The following SLC30A10 variants were observed in gnomAD, a reference collection of about 807,000 sequenced individuals.
SLC30A10 encodes solute carrier family 30 member 10.
Under a neutral mutation model 21.7 loss-of-function variants are expected in SLC30A10, and 8 were observed. That is an observed-to-expected ratio of 0.37 (90% CI 0.22 to 0.67). The LOEUF is 0.67. Among genes scored for constraint, SLC30A10 ranks in the 30% least tolerant of loss-of-function variants. SLC30A10 has a pLI of 0.58. For missense variants in SLC30A10, 521 were observed against 642.5 expected, an observed-to-expected ratio of 0.81 and a Z score of 2.04; for synonymous variants, 272 against 279.4, an observed-to-expected ratio of 0.97 and a Z score of 0.26.
rs113431755 is a variant in SLC30A10 at position 219,913,078 on chromosome 1, G to A, written c.*2371C>T. ...ATTTCCTTGGGAGAATTAAAAGGCA[G>A]GACAATTAAAGAGAGAGTGAAACCC... On this transcript the variant is annotated 3_prime_UTR_variant, in exon 4 of 4. Coordinates refer to ENST00000366926, the MANE Select transcript of SLC30A10 (RefSeq NM_018713.3). Among the ~76,000 whole-genome samples, 1,051 of 152,340 alleles carry A rather than the reference G, an allele frequency of 6.9e-3. 4 individuals carry two copies. Among genetic ancestry groups the A allele is most frequent in the Middle Eastern group, 0.061 (18 of 294 alleles).
intron 1 of SLC30A10, among the ~76,000 whole-genome samples, chr1:219,957,374 A>G (rs11118468): frequency 0.46 from 70,484 of 151,992 alleles, 16,433 homozygotes; most frequent in South Asian, 0.52. Context: ...AAAAAATGCA[A>G]CTTAGCCTCT....
chr1:219,911,149 GTT>G lies in SLC30A10; in HGVS notation c.*4298_*4299del. Among the ~76,000 whole-genome samples, 2,633 of 49,458 alleles carry G rather than the reference GTT, an allele frequency of 0.053. 123 individuals carry two copies. The highest frequency in any genetic ancestry group is 0.092 in the Admixed American group (390 of 4,258). 32.4% of individuals were successfully genotyped at this position (49,458 alleles called of 152,430 possible). ...ATGTTTCTTCATTTTTTCTACATCAGTTTTTTTTTTTTTTTTTTTTTTTTTGC... is the reference window on the plus strand; with the variant it reads ...ATGTTTCTTCATTTTTTCTACATCAGTTTTTTTTTTTTTTTTTTTTTTTGC... On this transcript the variant is annotated 3_prime_UTR_variant, in exon 4 of 4. Transcript: ENST00000366926.
At chr1:219,932,354 C>T (rs1402228545), upstream of SLC30A10, among the ~76,000 whole-genome samples, 1 of 152,176 alleles carries the variant, frequency 6.6e-6, no homozygotes, top group Non-Finnish European at 1.5e-5. Context: ...ACTTGATATG[C>T]TACAATTCAC....
Position 219,946,531 on chromosome 1 carries a change from A to G in SLC30A10, n.80+12037T>C, listed in dbSNP as rs147430867. On this transcript the variant is annotated intron_variant and non_coding_transcript_variant, in intron 1 of 8. Transcript: ENST00000484239. ...CTTGTGTTTCCATGAGACGACCACC[A>G]GTGTAGCCTCCATTCCCTCCCCAGT... 5.0e-3 allele frequency among the ~76,000 whole-genome samples: 763 copies of G among 152,232 alleles called. 6 individuals are homozygous for G. Among genetic ancestry groups the G allele is most frequent in the African/African-American group, 0.016 (677 of 41,550 alleles).
intron 1 of SLC30A10, among the ~76,000 whole-genome samples, chr1:219,944,098 C>CA (rs768499897): frequency 0.011 from 1,088 of 100,194 alleles, 5 homozygotes; most frequent in Middle Eastern, 0.083. Context: ...AGACTCATCT[C>CA]AAAAAAAAAA....
intron 2 of SLC30A10, among the ~76,000 whole-genome samples, chr1:219,920,869 TG>T (rs1280671814): frequency 1.3e-5 from 2 of 152,236 alleles, no homozygotes; most frequent in African/African-American, 4.8e-5. Context: ...TTACCTGCAT[TG>T]CTCTGTAAAA....
Position 219,915,656 on chromosome 1 carries a change from G to C in SLC30A10, c.1251C>G (p.Pro417=), listed in dbSNP as rs754692918. ...TGACGTGAGCCAGAGGCAGTGCCCC[G>C]GGGGGACAACACAGCTGCTTAGCAC... ...KGCAKQLCCP[P]GALPLAHVNG... is the part of the protein sequence containing the mutation. The change falls in exon 4 of 4, where the codon CCC becomes CCG. Residue 417 remains proline, a synonymous_variant. Transcript: ENST00000366926. 6 of 1,614,210 alleles carry C rather than the reference G, an allele frequency of 3.7e-6. No homozygotes were observed. The Admixed American group carries it at 6.7e-5, about 18-fold the overall frequency.
chr1:219,947,773 T>C (rs1449449412), intron 1 of SLC30A10, among the ~76,000 whole-genome samples: 1 of 152,038 alleles, frequency 6.6e-6, no homozygotes, highest in Admixed American at 6.6e-5. Flanking sequence ...GAGGTTGCAG[T>C]GAGCCAAGAT....
intron 3 of SLC30A10, among the ~76,000 whole-genome samples, 185 bp from the exon 4 acceptor site, chr1:219,916,133 T>TTA (rs1487397274): frequency 6.6e-6 from 1 of 152,198 alleles, no homozygotes; most frequent in Non-Finnish European, 1.5e-5. Context: ...CTCCACACAT[T>TTA]GTTAGTCCAC....
At chr1:219,934,628 G>A (rs1660023109) in intron 1 of SLC30A10, among the ~76,000 whole-genome samples, 1 of 152,104 alleles carries the variant, frequency 6.6e-6, no homozygotes, top group East Asian at 1.9e-4. Flanking sequence ...ATTTCAGAAT[G>A]CATTAAATTT....
At chr1:219,949,672 G>A (rs949681500) in intron 1 of SLC30A10, among the ~76,000 whole-genome samples, 4 of 151,670 alleles carry the variant, frequency 2.6e-5, no homozygotes, top group Non-Finnish European at 5.9e-5. Context: ...AATGGGTGCA[G>A]CACACCAGCA....
chr1:219,948,299 G>A (rs371348329), intron 1 of SLC30A10, among the ~76,000 whole-genome samples: 13 of 151,312 alleles, frequency 8.6e-5, no homozygotes, highest in African/African-American at 1.5e-4. Context: ...AGCCCGCATC[G>A]CCAAGTCAAT....
intron 1 of SLC30A10, among the ~76,000 whole-genome samples, chr1:219,945,568 G>A (rs1270168525): frequency 6.6e-6 from 1 of 152,050 alleles, no homozygotes; most frequent in East Asian, 1.9e-4. Context: ...AGCAAAATGT[G>A]AAAAAAGAAG....
In SLC30A10 at chr1:219,910,452, T is replaced by A. The variant is rs968874180; in HGVS notation, c.*4997A>T. ...ATATCTCAGTCATGTTTCTATTTTT[T>A]AAAAAAATTTTATTTACAGCACCAT... On this transcript the variant is annotated 3_prime_UTR_variant, in exon 4 of 4. Coordinates refer to ENST00000366926, the MANE Select transcript of SLC30A10 (RefSeq NM_018713.3). 4.6e-5 allele frequency among the ~76,000 whole-genome samples: 7 copies of A among 152,316 alleles called. 1 individual carries two copies. Among genetic ancestry groups the A allele is most frequent in the Admixed American group, 2.0e-4 (3 of 15,304 alleles).
At chr1:219,933,415 C>T (rs142526293), upstream of SLC30A10, among the ~76,000 whole-genome samples, 15 of 152,272 alleles carry the variant, frequency 9.9e-5, no homozygotes, top group South Asian at 4.1e-4. Context: ...GGCAGAGTAG[C>T]GCTGCAGTTA....
chr1:219,919,359 A>G lies in SLC30A10; in HGVS notation c.719-865T>C, dbSNP rs1659621515. 2.6e-5 allele frequency among the ~76,000 whole-genome samples: 4 copies of G among 152,328 alleles called. No homozygotes were observed. The South Asian group carries it at 6.2e-4, about 24-fold the overall frequency. On this transcript the variant is annotated intron_variant, in intron 2 of 3. Coordinates refer to ENST00000366926, the MANE Select transcript of SLC30A10 (RefSeq NM_018713.3). ...GTTTTTTACAAAAAGCAACATCTGA[A>G]TCTTGCAATTCAAAGTATAGTTTGC... is the stretch of plus-strand genomic sequence containing the variant.
rs1359210666 is a variant in SLC30A10 at position 219,915,388 on chromosome 1, T to G, written c.*61A>C. Reference sequence around the variant, plus strand: ...CCTACAACCCAGAAAGCTCTTTTTGTGAGCCAAGCTTGTGGTTCCAAAGTG... The same window carrying G: ...CCTACAACCCAGAAAGCTCTTTTTGGGAGCCAAGCTTGTGGTTCCAAAGTG... On this transcript the variant is annotated 3_prime_UTR_variant, in exon 4 of 4. Transcript: ENST00000366926. 1.1e-5 allele frequency: 17 copies of G among 1,557,364 alleles called. No homozygotes were observed. Among genetic ancestry groups the G allele is most frequent in the Non-Finnish European group, 1.4e-5 (16 of 1,151,498 alleles).
rs879641670 is a variant in SLC30A10, at chr1:219,951,720, C to CAA, written n.80+6846_80+6847dup. On this transcript the variant is annotated intron_variant and non_coding_transcript_variant, in intron 1 of 8. Coordinates refer to the SLC30A10 transcript ENST00000484239. ...TGGACGACAGAGTGAGACTCCATCT[C>CAA]AAAAAAAAAAAGAAAAGAAAAGAAA... Among the ~76,000 whole-genome samples, 3 of 134,894 alleles carry CAA rather than the reference C, an allele frequency of 2.2e-5. No homozygotes were observed. In the East Asian group the frequency reaches 6.4e-4, roughly 29 times the overall value. The allele number at this position is 134,894 out of a possible 152,430, so 88.5% of individuals were successfully genotyped here.
At chr1:219,920,228 C>T (rs531220529) in intron 2 of SLC30A10, among the ~76,000 whole-genome samples, 98 of 152,256 alleles carry the variant, frequency 6.4e-4, no homozygotes, top group African/African-American at 2.2e-3. Context: ...TCTCCCAACA[C>T]CCCACCCCCA....
Sources: allele counts gnomAD v4.1 joint callset (sites outside exome capture counted in the v4.1 genomes callset), GRCh38; gene constraint gnomAD v4.1.1; transcripts MANE v1.5; gene names NCBI Gene and HGNC (gene_info 2026-07-23, HGNC 2026-07-21).